Variants in GPC5 observed in about 807,000 individuals in gnomAD.
The protein encoded by GPC5 is glypican-5.
GPC5 carries 47 observed loss-of-function variants against 53.9 expected under a neutral mutation model. The observed-to-expected ratio is 0.87, with a 90% CI of 0.69 to 1.11. GPC5 has a LOEUF of 1.11. Ranked by LOEUF, GPC5 falls within the 50% of genes most tolerant of loss-of-function variation. The pLI, the probability that GPC5 is intolerant of heterozygous loss-of-function variation, is 0.00. For missense variants in GPC5, 748 were observed against 713.1 expected (o/e 1.05, Z -0.56); for synonymous variants, 286 against 263.3 (o/e 1.09, Z -0.84).
At chr13:91,802,944 G>A (rs1458073465) in intron 5 of GPC5, among the ~76,000 whole-genome samples, 10 of 152,200 alleles carry the variant, frequency 6.6e-5, no homozygotes, top group Admixed American at 2.0e-4. Context: ...CAAGGATTAA[G>A]GGGACTAATT....
At chr13:91,949,269 C>A (rs1234450439) in intron 6 of GPC5, among the ~76,000 whole-genome samples, 3 of 152,146 alleles carry the variant, frequency 2.0e-5, no homozygotes, top group African/African-American at 7.2e-5. Context: ...TAAAAAGAGG[C>A]TGATGTCACT....
intron 7 of GPC5, among the ~76,000 whole-genome samples, chr13:92,524,448 T>G (rs1881198776): frequency 6.6e-6 from 1 of 152,092 alleles, no homozygotes; most frequent in African/African-American, 2.4e-5. Flanking sequence ...AGACAGAATA[T>G]TTTTCCAAAT....
intron 1 of GPC5, among the ~76,000 whole-genome samples, chr13:91,415,458 C>G (rs1046545286): frequency 6.6e-6 from 1 of 152,130 alleles, no homozygotes; most frequent in East Asian, 1.9e-4. Context: ...ACAACTTTCC[C>G]CAGTCCACAG....
At chr13:92,173,502 G>A (rs116498503) in intron 7 of GPC5, among the ~76,000 whole-genome samples, 1,914 of 152,246 alleles carry the variant, frequency 0.013, 33 homozygotes, top group African/African-American at 0.044. Context: ...CACCTGCCTG[G>A]ACAAACCCTT....
chr13:91,568,561 G>GAAAA (rs565705289), intron 2 of GPC5, among the ~76,000 whole-genome samples: 4 of 141,280 alleles, frequency 2.8e-5, no homozygotes, highest in African/African-American at 1.0e-4. Context: ...AGCTTTTATT[G>GAAAA]AAAAAAAAAA....
intron 7 of GPC5, among the ~76,000 whole-genome samples, chr13:92,156,175 T>A (rs912643713): frequency 1.4e-4 from 21 of 152,284 alleles, no homozygotes; most frequent in Admixed American, 7.2e-4. Context: ...TCTTCTTAAC[T>A]TTCTGTTATT....
chr13:92,190,587 T>G (rs1212725344), intron 7 of GPC5, among the ~76,000 whole-genome samples: 4 of 152,080 alleles, frequency 2.6e-5, no homozygotes, highest in Non-Finnish European at 5.9e-5. Flanking sequence ...AGGAAGGAAT[T>G]AGGAAGATTT....
chr13:92,300,249 T>C (rs1439774192), intron 7 of GPC5, among the ~76,000 whole-genome samples: 1 of 152,042 alleles, frequency 6.6e-6, no homozygotes, highest in Non-Finnish European at 1.5e-5. Flanking sequence ...CAAAACACAC[T>C]GCACCAATTT....
At chr13:91,945,272 C>A (rs2039964177) in intron 6 of GPC5, among the ~76,000 whole-genome samples, 1 of 152,136 alleles carries the variant, frequency 6.6e-6, no homozygotes, top group African/African-American at 2.4e-5. Context: ...GTTCTCTTTA[C>A]AATTTAGTTT....
At chr13:91,773,667 A>G (rs990872313) in intron 5 of GPC5, among the ~76,000 whole-genome samples, 9 of 152,316 alleles carry the variant, frequency 5.9e-5, no homozygotes, top group East Asian at 1.9e-4. Context: ...TATTTGACCA[A>G]AAGTTCTTGC....
At chr13:92,715,465 T>A (rs966622701) in intron 7 of GPC5, among the ~76,000 whole-genome samples, 22 of 152,236 alleles carry the variant, frequency 1.4e-4, no homozygotes, top group African/African-American at 4.6e-4. Flanking sequence ...TTCTAAATGA[T>A]TAAGTAAACA....
At chr13:91,473,842 C>T (rs529580593) in intron 2 of GPC5, among the ~76,000 whole-genome samples, 22 of 152,272 alleles carry the variant, frequency 1.4e-4, no homozygotes, top group African/African-American at 5.1e-4. Flanking sequence ...CTTCCTCAAG[C>T]ACTCTAAGCT....
intron 7 of GPC5, among the ~76,000 whole-genome samples, chr13:92,169,320 A>G (rs997252027): frequency 1.3e-5 from 2 of 152,244 alleles, no homozygotes; most frequent in East Asian, 1.9e-4. Flanking sequence ...CATCCTGTAC[A>G]TGTATCCTGG....
intron 7 of GPC5, among the ~76,000 whole-genome samples, chr13:92,474,178 TC>T (rs1365473175): frequency 6.6e-6 from 1 of 151,820 alleles, no homozygotes; most frequent in African/African-American, 2.4e-5. Flanking sequence ...TTCTCCTCTG[TC>T]CTTTTGTCAA....
chr13:92,648,499 C>A (rs570821204), intron 7 of GPC5, among the ~76,000 whole-genome samples: 2 of 152,050 alleles, frequency 1.3e-5, no homozygotes, highest in Non-Finnish European at 2.9e-5. Flanking sequence ...ATTTGGGTAG[C>A]CACCATTCAC....
At chr13:91,953,748 G>C (rs911851608) in intron 6 of GPC5, among the ~76,000 whole-genome samples, 10 of 152,068 alleles carry the variant, frequency 6.6e-5, no homozygotes, top group African/African-American at 2.4e-4. Context: ...TTTATAAATG[G>C]GCCCTTCTTG....
intron 7 of GPC5, among the ~76,000 whole-genome samples, chr13:92,223,019 G>C (rs1312219169): frequency 1.3e-5 from 2 of 151,880 alleles, no homozygotes; most frequent in African/African-American, 2.4e-5. Context: ...TTTTTTATGA[G>C]GACTATAATC....
At chr13:92,629,560 AC>A (rs1375455926) in intron 7 of GPC5, among the ~76,000 whole-genome samples, 1 of 152,240 alleles carries the variant, frequency 6.6e-6, no homozygotes, top group African/African-American at 2.4e-5. Context: ...TAGTAGATAA[AC>A]AATGCATAGA....
intron 6 of GPC5, among the ~76,000 whole-genome samples, chr13:91,976,764 G>A (rs1409402954): frequency 4.6e-5 from 7 of 152,188 alleles, no homozygotes; most frequent in East Asian, 1.9e-4. Flanking sequence ...CAGAGGCCGA[G>A]CGCGGTGGCT....
Sources: allele counts gnomAD v4.1 joint callset (sites outside exome capture counted in the v4.1 genomes callset), GRCh38; gene constraint gnomAD v4.1.1; transcripts MANE v1.5; gene names NCBI Gene and HGNC (gene_info 2026-07-23, HGNC 2026-07-21).